EXOC6: variants seen among roughly 807,000 people sequenced by gnomAD.
EXOC6 encodes the protein SEC15-like 1.
In EXOC6, 60 loss-of-function variants were observed where a neutral mutation model predicts 112.5. The observed-to-expected ratio is 0.53, with a 90% CI of 0.43 to 0.66. The LOEUF is 0.66. EXOC6 is among the 30% of genes least tolerant of loss of function. EXOC6 has a pLI of 0.00. For missense variants in EXOC6, 855 were observed against 957.1 expected, an observed-to-expected ratio of 0.89 and a Z score of 1.41; for synonymous variants, 295 against 308.0, an observed-to-expected ratio of 0.96 and a Z score of 0.44.
chr10:92,941,124 C>T (rs1383359788), intron 13 of EXOC6, among the ~76,000 whole-genome samples: 3 of 152,082 alleles, frequency 2.0e-5, no homozygotes, highest in African/African-American at 7.2e-5. Flanking sequence ...ACCACTCTTG[C>T]TTTGTCTCTA....
At chr10:93,014,133 G>T (rs964536496) in intron 19 of EXOC6, 61 bp from the exon 20 acceptor site, 10 of 1,230,264 alleles carry the variant, frequency 8.1e-6, no homozygotes, top group Non-Finnish European at 1.1e-5. Context: ...TAATTTATCA[G>T]TTAAACTCTT....
At position 93,059,382 on chromosome 10, in the gene EXOC6, A is replaced by G. The variant is rs1045986702; in HGVS notation, c.*1027A>G. 5 of 152,226 alleles carry G rather than the reference A, an allele frequency of 3.3e-5. No individual in the cohort carries two copies. The highest frequency in any genetic ancestry group is 1.2e-4 in the African/African-American group (5 of 41,454). The allele number at this position is 152,226 out of a possible 1,614,324, so 9.4% of individuals were successfully genotyped here. A position where few individuals can be genotyped will look rare whatever the true frequency, so the allele number is the denominator to read the frequency against. On this transcript the variant is annotated 3_prime_UTR_variant, in exon 22 of 22. Transcript: ENST00000260762. The stretch of plus-strand genomic sequence containing the variant: ...TCTTCCCTTTGCCTTTTCAGGATTT[A>G]GGCCTGTAAGAAACTATGCCTGATT...
intron 9 of EXOC6, 79 bp downstream of exon 9, chr10:92,928,501 A>AATT: frequency 1.3e-6 from 1 of 799,038 alleles, no homozygotes; most frequent in South Asian, 1.8e-5. Context: ...CAAAGCATGT[A>AATT]TCACTGTTCA....
chr10:92,968,886 C>T (rs571198121), intron 17 of EXOC6, among the ~76,000 whole-genome samples: 6 of 152,100 alleles, frequency 3.9e-5, no homozygotes, highest in South Asian at 2.1e-4. Flanking sequence ...TTCCCAAAAC[C>T]GTTTTGTTTT....
chr10:92,839,712 G>T (rs1846776574), intron 1 of EXOC6, among the ~76,000 whole-genome samples: 1 of 152,082 alleles, frequency 6.6e-6, no homozygotes, highest in African/African-American at 2.4e-5. Context: ...AGGTCCTGAG[G>T]TCACAATGTC....
chr10:93,024,773 A>G (rs1053398909), intron 20 of EXOC6, among the ~76,000 whole-genome samples: 3 of 152,174 alleles, frequency 2.0e-5, no homozygotes, highest in African/African-American at 7.2e-5. Context: ...TCCCAAACTC[A>G]TTACAGGGCA....
chr10:92,995,798 C>T (rs541758517), intron 18 of EXOC6, among the ~76,000 whole-genome samples: 8 of 152,178 alleles, frequency 5.3e-5, no homozygotes, highest in African/African-American at 1.7e-4. Context: ...TTGTTTGCAT[C>T]GGCTTTTATC....
At chr10:92,831,683 C>T (rs1224315510), upstream of EXOC6, among the ~76,000 whole-genome samples, 2 of 152,184 alleles carry the variant, frequency 1.3e-5, no homozygotes, top group African/African-American at 4.8e-5. Flanking sequence ...GATCCGCCTG[C>T]CTCGGCCTCC....
intron 1 of EXOC6, among the ~76,000 whole-genome samples, chr10:92,839,943 T>C (rs1364800644): frequency 6.6e-6 from 1 of 152,146 alleles, no homozygotes; most frequent in Admixed American, 6.6e-5. Context: ...GAAGAAATTT[T>C]TGTAATTGTT....
At chr10:93,010,152 C>T (rs996753726) in intron 19 of EXOC6, among the ~76,000 whole-genome samples, 1 of 152,154 alleles carries the variant, frequency 6.6e-6, no homozygotes, top group South Asian at 2.1e-4. Flanking sequence ...CATATCATTA[C>T]GAATGTCCTC....
rs560106851 is a variant in EXOC6, at chr10:92,885,444, A to G, written c.102-7905A>G. Among the ~76,000 whole-genome samples, 338 of 151,750 alleles carry G rather than the reference A, an allele frequency of 2.2e-3. 1 individual carries two copies. The highest frequency in any genetic ancestry group is 7.9e-3 in the African/African-American group (326 of 41,342). ...GCCCAGGCTGGAGTGCAGTGGCGCAATCTTGGCTCACTGCAACCTCTGCTT... is the reference window on the plus strand; with the variant it reads ...GCCCAGGCTGGAGTGCAGTGGCGCAGTCTTGGCTCACTGCAACCTCTGCTT... On this transcript the variant is annotated intron_variant, in intron 1 of 21. Coordinates refer to ENST00000260762, the MANE Select transcript of EXOC6 (RefSeq NM_019053.6).
chr10:92,986,804 T>C (rs996716618), intron 18 of EXOC6, among the ~76,000 whole-genome samples: 2 of 152,096 alleles, frequency 1.3e-5, no homozygotes, highest in Admixed American at 1.3e-4. Context: ...TTATTATTTA[T>C]GGAATTAATG....
rs754834070 is a variant in EXOC6 at position 92,893,376 on chromosome 10, G to A, written c.129G>A (p.Ala43=). The A allele has an allele frequency of 1.2e-5, 19 of 1,610,750 alleles. No individual in the cohort carries two copies. The highest frequency in any genetic ancestry group is 9.4e-5 in the African/African-American group (7 of 74,760). ...LRSVYDDQPN[A]HKKFMEKLDA... ...CTGTGTATGATGACCAACCAAATGC[G>A]CACAAGAAGTTTATGGAAAAGTTAG... is the stretch of plus-strand genomic sequence containing the variant. Residue 43 remains alanine (A), a synonymous_variant, in exon 2 of 22, where the codon GCG becomes GCA. Coordinates refer to ENST00000260762, the MANE Select transcript of EXOC6 (RefSeq NM_019053.6).
intron 1 of EXOC6, among the ~76,000 whole-genome samples, chr10:92,872,337 T>C (rs963523916): frequency 6.6e-6 from 1 of 152,092 alleles, no homozygotes; most frequent in Non-Finnish European, 1.5e-5. Context: ...ATTTCTACTT[T>C]TATTACATTA....
At chr10:92,977,250 C>T (rs1842659030) in intron 18 of EXOC6, among the ~76,000 whole-genome samples, 1 of 148,884 alleles carries the variant, frequency 6.7e-6, no homozygotes, top group African/African-American at 2.5e-5. Context: ...CCCAACCATC[C>T]TCTCTCTGCT....
chr10:92,926,227 C>T (rs1284610263), intron 8 of EXOC6, among the ~76,000 whole-genome samples: 1 of 151,824 alleles, frequency 6.6e-6, no homozygotes, highest in Non-Finnish European at 1.5e-5. Flanking sequence ...AGGCCATTTG[C>T]ATCAGTTTAG....
intron 19 of EXOC6, among the ~76,000 whole-genome samples, chr10:93,010,096 A>C (rs1844171768): frequency 6.6e-6 from 1 of 152,236 alleles, no homozygotes; most frequent in African/African-American, 2.4e-5. Context: ...ACTGCAGTTG[A>C]GTTTTAAAGA....
At chr10:92,888,676 C>CA in intron 1 of EXOC6, among the ~76,000 whole-genome samples, 1 of 151,960 alleles carries the variant, frequency 6.6e-6, no homozygotes, top group East Asian at 1.9e-4. Context: ...GATAAATGTC[C>CA]AACTTTTAAT....
chr10:92,998,415 G>A (rs1320360208), intron 19 of EXOC6, among the ~76,000 whole-genome samples: 2 of 151,962 alleles, frequency 1.3e-5, no homozygotes, highest in East Asian at 3.9e-4. Context: ...ATTTGTCTGA[G>A]GAAAAATTTG....
Sources: gnomAD v4.1 joint callset for allele counts (sites outside exome capture counted in the v4.1 genomes callset) on GRCh38, gnomAD v4.1.1 for gene constraint, MANE v1.5 for transcripts, NCBI Gene and HGNC (gene_info 2026-07-23, HGNC 2026-07-21) for gene names.